Variants in USB1 observed in about 807,000 individuals in gnomAD.
USB1 encodes the protein U6 snRNA biogenesis phosphodiesterase 1, also known as U6 snRNA phosphodiesterase 1.
USB1 carries 21 observed loss-of-function variants against 29.9 expected under a neutral mutation model. The observed-to-expected ratio is 0.70, with a 90% CI of 0.50 to 1.01. The LOEUF (loss-of-function observed/expected upper bound fraction) is 1.01. USB1 is among the 50% of genes least tolerant of loss of function. USB1 has a pLI of 0.00. For missense variants in USB1, 330 were observed against 347.1 expected, an observed-to-expected ratio of 0.95 and a Z score of 0.39; for synonymous variants, 143 against 134.9, an observed-to-expected ratio of 1.06 and a Z score of -0.42.
intron 3 of USB1, 90 bp downstream of exon 3, chr16:58,010,202 C>A: frequency 6.7e-7 from 1 of 1,501,220 alleles, no homozygotes; most frequent in Non-Finnish European, 9.2e-7. Context: ...CCCCAGCAGG[C>A]AGGCAGACCT....
intron 4 of USB1, chr16:58,017,097 T>C: frequency 1.9e-6 from 1 of 540,168 alleles, no homozygotes; most frequent in Non-Finnish European, 3.4e-6. Context: ...GAAGGGTTAT[T>C]AGATCCAGAG....
upstream of USB1, chr16:58,000,396 C>G (rs1229376862): frequency 6.7e-6 from 1 of 150,218 alleles, no homozygotes; most frequent in East Asian, 2.0e-4. This position sits in a 1 kb window ranked among gnomAD's most constrained non-coding sequence, Gnocchi z 4.5. Flanking sequence ...CGCCCCGCCG[C>G]TCACCTGCTC....
intron 2 of USB1, among the ~76,000 whole-genome samples, 192 bp from the exon 3 acceptor site, chr16:58,009,737 A>G (rs1481030319): frequency 3.3e-5 from 5 of 150,944 alleles, no homozygotes; most frequent in African/African-American, 1.2e-4. Context: ...AAAAAAAAAA[A>G]TAATAATAAA....
In USB1 at chr16:58,002,333, C is replaced by T. The variant is rs573912136; in HGVS notation, c.99-146C>T. 99 of 1,275,582 alleles carry T rather than the reference C, an allele frequency of 7.8e-5. No individual in the cohort carries two copies. The African/African-American group carries it at 8.5e-4, about 11-fold the overall frequency. The allele number at this position is 1,275,582 out of a possible 1,614,324, so 79.0% of individuals were successfully genotyped here. A position where few individuals can be genotyped will look rare whatever the true frequency, so the allele number is the denominator to read the frequency against. On this transcript the variant is annotated intron_variant, in intron 1 of 6. Coordinates refer to ENST00000219281, the MANE Select transcript of USB1 (RefSeq NM_024598.4). ...TGAGACAATACTGGAGAAACAATTTCGCTATCTAGAAGCTGCTTCCAGCAC... is the reference window on the plus strand; with the variant it reads ...TGAGACAATACTGGAGAAACAATTTTGCTATCTAGAAGCTGCTTCCAGCAC...
At chr16:58,015,234 TGTG>T (rs1275877631) in intron 4 of USB1, 1 of 152,180 alleles carries the variant, frequency 6.6e-6, no homozygotes, top group African/African-American at 2.4e-5. Context: ...CCATCCCAGT[TGTG>T]GTGTTTAGTC....
Position 58,020,351 on chromosome 16 carries a change from G to T in USB1, c.*106G>T. The T allele has an allele frequency of 9.3e-7, 1 of 1,070,706 alleles. No individual in the cohort carries two copies. Among genetic ancestry groups the T allele is most frequent in the South Asian group, 1.3e-5 (1 of 75,282 alleles). 66.3% of individuals were successfully genotyped at this position (1,070,706 alleles called of 1,614,324 possible). On this transcript the variant is annotated 3_prime_UTR_variant, in exon 7 of 7. Coordinates refer to ENST00000219281, the MANE Select transcript of USB1 (RefSeq NM_024598.4). ...TCTAGCCTCCCAGTAGGAGGCCCCA[G>T]CCATGCCTTCAACCTGGCAGGAGGT...
intron 1 of USB1, among the ~76,000 whole-genome samples, 164 bp downstream of exon 1, chr16:58,001,745 C>T (rs753469961): frequency 6.6e-6 from 1 of 151,658 alleles, no homozygotes; most frequent in Non-Finnish European, 1.5e-5. Context: ...ACCCCTCCCC[C>T]CCACCCCAGA....
chr16:58,002,644 A>G lies in USB1; in HGVS notation c.264A>G (p.Pro88=), dbSNP rs1963254978. Residue 88 remains proline, a splice_region_variant and synonymous_variant, in exon 2 of 7, where the codon CCA becomes CCG. Coordinates refer to ENST00000219281, the MANE Select transcript of USB1 (RefSeq NM_024598.4). ...RGNWATHVYV[P]YEAKEEFLDL... is the part of the protein sequence containing the mutation. ...ACTGGGCCACCCACGTCTATGTACC[A>G]TGTGAGTGATGTGTGAAAGGCAAGT... The G allele has an allele frequency of 4.3e-6, 7 of 1,613,774 alleles. No homozygotes were observed. Among genetic ancestry groups the G allele is most frequent in the African/African-American group, 4.0e-5 (3 of 75,030 alleles).
At chr16:58,000,694 G>A (rs1265292274), upstream of USB1, among the ~76,000 whole-genome samples, 2 of 150,190 alleles carry the variant, frequency 1.3e-5, no homozygotes, top group Admixed American at 6.6e-5. The surrounding 1 kb of genome is among the most constrained non-coding windows in gnomAD (Gnocchi z 4.5). Flanking sequence ...CGGCGCGGGG[G>A]CCAGGGAGGC....
chr16:58,020,073 G>T, intron 6 of USB1, 68 bp from the exon 7 acceptor site: 1 of 1,528,960 alleles, frequency 6.5e-7, no homozygotes, highest in South Asian at 1.1e-5. Flanking sequence ...AGCTGGTTTT[G>T]TTTGCAGTGC....
chr16:58,009,703 C>A (rs183375947), intron 2 of USB1, among the ~76,000 whole-genome samples: 1 of 148,316 alleles, frequency 6.7e-6, no homozygotes, highest in East Asian at 2.0e-4. Context: ...CCAGCCTGGG[C>A]GGCAGAGCAA....
In USB1 at chr16:58,009,951, G is replaced by C; in HGVS notation, c.288G>C (p.Leu96=). Reference sequence around the variant, plus strand: ...CAGATGAAGCCAAGGAGGAGTTCCTGGATCTGCTTGATGTGTTGCTGCCCC... The same window carrying C: ...CAGATGAAGCCAAGGAGGAGTTCCTCGATCTGCTTGATGTGTTGCTGCCCC... The part of the protein sequence containing the change: ...YVPYEAKEEF[L]DLLDVLLPHA... Residue 96 remains leucine (L), a synonymous_variant, in exon 3 of 7, where the codon CTG becomes CTC. Coordinates refer to ENST00000219281, the MANE Select transcript of USB1 (RefSeq NM_024598.4). 1.2e-6 allele frequency: 2 copies of C among 1,613,816 alleles called. No homozygotes were observed. Among genetic ancestry groups the C allele is most frequent in the Non-Finnish European group, 1.7e-6 (2 of 1,179,944 alleles).
chr16:58,019,166 G>A (rs1597056107), intron 6 of USB1, 111 bp downstream of exon 6: 1 of 1,105,002 alleles, frequency 9.0e-7, no homozygotes. Flanking sequence ...GGAAACAAAT[G>A]ACATGGCAGG....
chr16:58,018,238 T>C (rs1567423619), intron 5 of USB1, among the ~76,000 whole-genome samples: 1 of 151,070 alleles, frequency 6.6e-6, no homozygotes, highest in East Asian at 1.9e-4. Context: ...TTTTTTTTTT[T>C]TTTTTGGAGA....
At chr16:58,017,538 A>G (rs1963645559) in intron 5 of USB1, 99 bp downstream of exon 5, 3 of 1,096,600 alleles carry the variant, frequency 2.7e-6, no homozygotes, top group Non-Finnish European at 4.1e-6. Flanking sequence ...AAGACCCTTC[A>G]GAACCTCCCG....
At chr16:58,017,547 C>G in intron 5 of USB1, 108 bp downstream of exon 5, 1 of 991,346 alleles carries the variant, frequency 1.0e-6, no homozygotes, top group East Asian at 2.6e-5. Context: ...CAGAACCTCC[C>G]GTGTCGGTGC....
intron 2 of USB1, among the ~76,000 whole-genome samples, chr16:58,007,150 A>G (rs1320596063): frequency 1.3e-5 from 2 of 152,200 alleles, no homozygotes; most frequent in Non-Finnish European, 2.9e-5. Flanking sequence ...ATCTCTGTCC[A>G]TGAGAGATAT....
At chr16:58,000,818 A>T (rs1443525442), upstream of USB1, among the ~76,000 whole-genome samples, 1 of 152,038 alleles carries the variant, frequency 6.6e-6, no homozygotes, top group East Asian at 1.9e-4. This position sits in a 1 kb window ranked among gnomAD's most constrained non-coding sequence, Gnocchi z 4.5. Context: ...AGGTCGGACA[A>T]GCCGGGTGCT....
At chr16:58,000,335 A>C (rs1162809659), upstream of USB1, 1 of 149,864 alleles carries the variant, frequency 6.7e-6, no homozygotes, top group Non-Finnish European at 1.5e-5. The surrounding 1 kb of genome is among the most constrained non-coding windows in gnomAD (Gnocchi z 4.5). Context: ...CCGGGCCGGC[A>C]GAGGAAGGGG....
Sources: gnomAD v4.1 joint callset for allele counts (sites outside exome capture counted in the v4.1 genomes callset) on GRCh38, gnomAD v4.1.1 for gene constraint, Gnocchi (gnomAD v3.1) non-coding constraint, MANE v1.5 for transcripts, NCBI Gene and HGNC (gene_info 2026-07-23, HGNC 2026-07-21) for gene names.